HRH2: variants seen among roughly 807,000 people sequenced by gnomAD.
The protein encoded by HRH2 is histamine receptor H2.
Under a neutral mutation model 20.1 loss-of-function variants are expected in HRH2, and 4 were observed. The ratio of observed to expected loss-of-function variants is 0.20; its 90% CI spans 0.10 to 0.45. HRH2 has a LOEUF of 0.45. HRH2 is among the 20% of genes least tolerant of loss of function. The pLI is 0.99. For missense variants in HRH2, 250 were observed against 461.6 expected, an observed-to-expected ratio of 0.54 and a Z score of 4.20; for synonymous variants, 197 against 200.7, an observed-to-expected ratio of 0.98 and a Z score of 0.16.
chr5:175,683,581 G>A lies in HRH2; in HGVS notation c.348G>A (p.Arg116=). 1.9e-6 allele frequency: 3 copies of A among 1,614,164 alleles called. No homozygotes were observed. The highest frequency in any genetic ancestry group is 2.5e-6 in the Non-Finnish European group (3 of 1,180,036). ...ILNLFMISLD[R]YCAVMDPLRY... ...ACCTCTTCATGATCAGCCTCGACCG[G>A]TACTGCGCTGTCATGGACCCACTGC... is the stretch of plus-strand genomic sequence containing the variant. Residue 116 remains arginine (R), a synonymous_variant, in exon 2 of 3, where the codon CGG becomes CGA. Transcript: ENST00000636584.
intron 2 of HRH2, among the ~76,000 whole-genome samples, chr5:175,704,404 C>A (rs9784749): frequency 0.2 from 30,121 of 151,670 alleles, 5,325 homozygotes; most frequent in African/African-American, 0.48. Context: ...TTATATCAAT[C>A]GAAGCAGAAA....
Position 175,709,998 on chromosome 5 carries a change from G to GT in HRH2, c.*2030dup, listed in dbSNP as rs1757047443. On this transcript the variant is annotated 3_prime_UTR_variant, in exon 3 of 3. Coordinates refer to ENST00000636584, the MANE Select transcript of HRH2 (RefSeq NM_001367711.1). ...CTCTGCCCATTCCATGCTCAAAGCTGTTTCCGTGAGGAAAGGCTCCTCCTG... is the reference window on the plus strand; with the variant it reads ...CTCTGCCCATTCCATGCTCAAAGCTGTTTTCCGTGAGGAAAGGCTCCTCCTG... The GT allele has an allele frequency of 6.6e-6, 1 of 152,338 alleles. No individual in the cohort carries two copies. Among genetic ancestry groups the GT allele is most frequent in the Non-Finnish European group, 1.5e-5 (1 of 68,140 alleles). The allele number at this position is 152,338 out of a possible 1,614,324, so 9.4% of individuals were successfully genotyped here.
chr5:175,675,629 T>G (rs1441449815), intron 1 of HRH2, among the ~76,000 whole-genome samples: 1 of 152,178 alleles, frequency 6.6e-6, no homozygotes, highest in Non-Finnish European at 1.5e-5. Context: ...GCATCTGGAC[T>G]GAGTGGACCA....
At chr5:175,703,346 A>G (rs775808342) in intron 2 of HRH2, among the ~76,000 whole-genome samples, 3 of 152,196 alleles carry the variant, frequency 2.0e-5, no homozygotes, top group Non-Finnish European at 4.4e-5. Context: ...AAAAGTAATT[A>G]TGGATATTAG....
intron 2 of HRH2, among the ~76,000 whole-genome samples, chr5:175,700,228 G>A (rs1190069413): frequency 6.6e-6 from 1 of 152,192 alleles, no homozygotes; most frequent in East Asian, 1.9e-4. Flanking sequence ...GCTCTTACAG[G>A]CTGGCGGTGA....
chr5:175,682,969 G>A lies in HRH2; in HGVS notation c.-265G>A, dbSNP rs73806113. The stretch of plus-strand genomic sequence containing the variant: ...GAGTTTGATCCATGAACCTGGCTTC[G>A]AGGCCTTGCTTTTCTCTCTTCTTCA... On this transcript the variant is annotated 5_prime_UTR_variant, in exon 2 of 3. Coordinates refer to ENST00000636584, the MANE Select transcript of HRH2 (RefSeq NM_001367711.1). 0.017 allele frequency: 7,209 copies of A among 418,152 alleles called. 448 individuals are homozygous for A. Among genetic ancestry groups the A allele is most frequent in the African/African-American group, 0.13 (6,403 of 49,814 alleles). The allele number at this position is 418,152 out of a possible 1,614,324, so 25.9% of individuals were successfully genotyped here. A position where few individuals can be genotyped will look rare whatever the true frequency, so the allele number is the denominator to read the frequency against.
At chr5:175,666,027 G>A (rs1762878131) in intron 1 of HRH2, among the ~76,000 whole-genome samples, 2 of 152,188 alleles carry the variant, frequency 1.3e-5, no homozygotes, top group South Asian at 4.1e-4. Context: ...GTGGAGCTCT[G>A]ATGGCACTGA....
intron 2 of HRH2, among the ~76,000 whole-genome samples, chr5:175,701,645 A>G (rs540007203): frequency 3.0e-4 from 45 of 152,152 alleles, no homozygotes; most frequent in South Asian, 2.1e-4. Context: ...TCATGTGTCT[A>G]TCCCTCAACC....
intron 1 of HRH2, among the ~76,000 whole-genome samples, chr5:175,668,333 G>A (rs1482145931): frequency 2.0e-5 from 3 of 152,176 alleles, no homozygotes; most frequent in African/African-American, 4.8e-5. Context: ...GTCAGACAGC[G>A]GGGGACTGCA....
intron 1 of HRH2, among the ~76,000 whole-genome samples, chr5:175,669,148 G>A (rs368672542): frequency 2.6e-5 from 4 of 152,140 alleles, no homozygotes; most frequent in African/African-American, 9.6e-5. Flanking sequence ...CCTGGCCCCT[G>A]CTTTGTTAAA....
intron 2 of HRH2, among the ~76,000 whole-genome samples, chr5:175,685,067 A>G (rs531552218): frequency 6.2e-4 from 94 of 152,298 alleles, no homozygotes; most frequent in African/African-American, 2.2e-3. Flanking sequence ...AAGCAAAATC[A>G]AGGAGGCCAT....
At chr5:175,704,373 G>A (rs1756876667) in intron 2 of HRH2, among the ~76,000 whole-genome samples, 1 of 151,668 alleles carries the variant, frequency 6.6e-6, no homozygotes, top group Non-Finnish European at 1.5e-5. Flanking sequence ...ACAAATTAAA[G>A]AAGAAAAAAC....
intron 1 of HRH2, among the ~76,000 whole-genome samples, chr5:175,680,380 T>C (rs1755920838): frequency 6.6e-6 from 1 of 152,162 alleles, no homozygotes; most frequent in African/African-American, 2.4e-5. Context: ...TGCAGAGGCA[T>C]GAGAAACCCA....
chr5:175,699,463 A>G lies in HRH2; in HGVS notation c.1077-8316A>G, dbSNP rs533070956. ...TTAAAGGAGAGACCTGCCAGTTCCC[A>G]GGATGCAGGTGAAACTGACGCTCTC... On this transcript the variant is annotated intron_variant, in intron 2 of 2. Transcript: ENST00000636584. Among the ~76,000 whole-genome samples the G allele has an allele frequency of 1.6e-4, 25 of 152,272 alleles. 1 individual carries two copies. In the South Asian group the frequency reaches 5.2e-3, roughly 32 times the overall value.
chr5:175,709,052 T>C lies in HRH2; in HGVS notation c.*1081T>C, dbSNP rs1407881249. On this transcript the variant is annotated 3_prime_UTR_variant, in exon 3 of 3. Transcript: ENST00000636584. ...AGGCCCCCTGTTCCTATTTACAGGA[T>C]CCATAAAGAGACTCAAAGAGATAGG... The C allele has an allele frequency of 2.0e-5, 3 of 151,990 alleles. No individual in the cohort carries two copies. The highest frequency in any genetic ancestry group is 7.3e-5 in the African/African-American group (3 of 41,326). The allele number at this position is 151,990 out of a possible 1,614,324, so 9.4% of individuals were successfully genotyped here.
At position 175,683,279 on chromosome 5, in the gene HRH2, G is replaced by A. The variant is rs747104084; in HGVS notation, c.46G>A (p.Ala16Thr). 1.7e-5 allele frequency: 27 copies of A among 1,614,000 alleles called. No individual in the cohort carries two copies. In the African/African-American group the frequency reaches 1.9e-4, roughly 11 times the overall value. The change falls in exon 2 of 3, where the codon GCA (alanine) becomes ACA (threonine). Residue 16 changes from alanine to threonine, a missense_variant. Coordinates refer to ENST00000636584, the MANE Select transcript of HRH2 (RefSeq NM_001367711.1). ...TASSFCLDST[A>T]CKITITVVLA... Reference sequence around the variant, plus strand: ...CTCTTCCTTTTGCCTGGACTCTACCGCATGCAAGATCACCATCACCGTGGT... The same window carrying A: ...CTCTTCCTTTTGCCTGGACTCTACCACATGCAAGATCACCATCACCGTGGT...
chr5:175,689,660 A>C (rs914075566), intron 2 of HRH2, among the ~76,000 whole-genome samples: 6 of 152,162 alleles, frequency 3.9e-5, no homozygotes, highest in African/African-American at 1.4e-4. Flanking sequence ...TCTCCCTCCA[A>C]ATACTGGCAT....
chr5:175,684,221 C>T lies in HRH2; in HGVS notation c.988C>T (p.Arg330Ter), dbSNP rs1360582986. The T allele has an allele frequency of 1.2e-6, 2 of 1,614,162 alleles. No homozygotes were observed. Among genetic ancestry groups the T allele is most frequent in the Non-Finnish European group, 1.7e-6 (2 of 1,180,028 alleles). Residue 330 changes from arginine to a stop codon, truncating the protein, a stop_gained, in exon 2 of 3, where the codon CGA becomes TGA. Coordinates refer to ENST00000636584, the MANE Select transcript of HRH2 (RefSeq NM_001367711.1). LOFTEE classifies it high-confidence loss of function. ...CTCTCAGCTGTCCAGGACCCAAAGC[C>T]GAGAACCCAGGCAACAGGAAGAGAA... ...NASQLSRTQS[R>*]EPRQQEEKPL...
chr5:175,683,405 G>A lies in HRH2; in HGVS notation c.172G>A (p.Val58Met), dbSNP rs145250724. The A allele has an allele frequency of 1.7e-4, 276 of 1,614,054 alleles. No homozygotes were observed. Among genetic ancestry groups the A allele is most frequent in the Non-Finnish European group, 2.3e-4 (269 of 1,180,046 alleles). ...CCGCAACCTGACCAATTGTTTCATC[G>A]TGTCCTTGGCTATCACTGACCTGCT... ...RLRNLTNCFI[V>M]SLAITDLLLG... Residue 58 changes from valine (V) to methionine (M), a missense_variant, in exon 2 of 3, where the codon GTG becomes ATG. Coordinates refer to ENST00000636584, the MANE Select transcript of HRH2 (RefSeq NM_001367711.1).
Sources: allele counts gnomAD v4.1 joint callset (sites outside exome capture counted in the v4.1 genomes callset), GRCh38; gene constraint gnomAD v4.1.1; transcripts MANE v1.5; gene names NCBI Gene and HGNC (gene_info 2026-07-23, HGNC 2026-07-21).